The following LINGO2 variants were observed in gnomAD, a reference collection of about 807,000 sequenced individuals.
The protein encoded by LINGO2 is leucine rich repeat and Ig domain containing 2.
Under a neutral mutation model 30.6 loss-of-function variants are expected in LINGO2, and 14 were observed. That is an observed-to-expected ratio of 0.46 (90% CI 0.30 to 0.72). The LOEUF (loss-of-function observed/expected upper bound fraction) is 0.72, where lower values mean the gene tolerates loss of function less well. LINGO2 is among the 30% of genes least tolerant of loss of function. The pLI, the probability that LINGO2 is intolerant of heterozygous loss-of-function variation, is 0.07. For synonymous variants in LINGO2, 317 were observed against 288.5 expected, an observed-to-expected ratio of 1.10 and a Z score of -1.00; for missense variants, 729 against 751.7, an observed-to-expected ratio of 0.97 and a Z score of 0.35.
chr9:28,203,613 G>A (rs1185509145), intron 4 of LINGO2, among the ~76,000 whole-genome samples: 1 of 152,058 alleles, frequency 6.6e-6, no homozygotes, highest in Non-Finnish European at 1.5e-5. Context: ...TAAACTCATA[G>A]GAAGTATATA....
At chr9:28,646,063 G>T (rs1228211126) in intron 1 of LINGO2, among the ~76,000 whole-genome samples, 1 of 151,832 alleles carries the variant, frequency 6.6e-6, no homozygotes, top group Non-Finnish European at 1.5e-5. Context: ...GAAACTGTAG[G>T]CCAACTACCA....
chr9:28,845,393 A>G, the LINGO2 span, among the ~76,000 whole-genome samples: 2 of 151,956 alleles, frequency 1.3e-5, no homozygotes, highest in Non-Finnish European at 2.9e-5. Flanking sequence ...GGAATAAAAT[A>G]AGAATTGCCT....
At chr9:28,880,957 A>G in the LINGO2 span, among the ~76,000 whole-genome samples, 1 of 152,132 alleles carries the variant, frequency 6.6e-6, no homozygotes, top group African/African-American at 2.4e-5. Context: ...TTTTGCTCAC[A>G]TGTTTGTTGC....
At chr9:28,466,098 T>A (rs547862975) in intron 2 of LINGO2, among the ~76,000 whole-genome samples, 1 of 152,088 alleles carries the variant, frequency 6.6e-6, no homozygotes, top group South Asian at 2.1e-4. Context: ...ATAATCCAGC[T>A]ATTCCACTGC....
the LINGO2 span, chr9:27,940,929 A>G: frequency 1.3e-5 from 2 of 152,212 alleles, no homozygotes; most frequent in African/African-American, 2.4e-5. Flanking sequence ...AGTTTACTGG[A>G]CAAGCTAACT....
At chr9:28,356,813 A>G (rs1820227145) in intron 3 of LINGO2, among the ~76,000 whole-genome samples, 2 of 152,030 alleles carry the variant, frequency 1.3e-5, no homozygotes, top group Admixed American at 6.6e-5. Context: ...GCCTCCCAGA[A>G]GCTCTTACTA....
chr9:28,364,426 A>T (rs1487289077), intron 3 of LINGO2, among the ~76,000 whole-genome samples: 1 of 152,144 alleles, frequency 6.6e-6, no homozygotes, highest in African/African-American at 2.4e-5. Context: ...ATGCTGCTGA[A>T]GCTGACATCA....
chr9:28,550,782 T>C (rs538176035), intron 1 of LINGO2, among the ~76,000 whole-genome samples: 2 of 151,916 alleles, frequency 1.3e-5, no homozygotes, highest in Non-Finnish European at 2.9e-5. Context: ...TAAGGAGTCA[T>C]ATAAAATAAT....
At chr9:29,022,165 T>C in the LINGO2 span, among the ~76,000 whole-genome samples, 22 of 152,216 alleles carry the variant, frequency 1.4e-4, no homozygotes, top group Non-Finnish European at 2.2e-4. Context: ...GATTTTCTCC[T>C]TCTTAAAATG....
chr9:28,806,744 T>C, the LINGO2 span, among the ~76,000 whole-genome samples: 5 of 152,242 alleles, frequency 3.3e-5, no homozygotes, highest in East Asian at 5.8e-4. Flanking sequence ...GCTTTTCTTA[T>C]ACTCCTTAAA....
At chr9:29,025,819 C>A in the LINGO2 span, among the ~76,000 whole-genome samples, 1 of 152,064 alleles carries the variant, frequency 6.6e-6, no homozygotes, top group Non-Finnish European at 1.5e-5. Flanking sequence ...CCTTAACCAC[C>A]CCTGCCCGTG....
chr9:28,950,652 C>T, the LINGO2 span, among the ~76,000 whole-genome samples: 1 of 151,964 alleles, frequency 6.6e-6, no homozygotes, highest in South Asian at 2.1e-4. Flanking sequence ...AAAATTGCTA[C>T]AAAGAAAATA....
intron 1 of LINGO2, among the ~76,000 whole-genome samples, chr9:28,555,758 G>C (rs1268510355): frequency 1.3e-5 from 2 of 151,990 alleles, no homozygotes; most frequent in African/African-American, 4.8e-5. Flanking sequence ...ATAAAATACT[G>C]GCAAACTGAA....
intron 1 of LINGO2, among the ~76,000 whole-genome samples, chr9:28,506,015 GT>G (rs1487049498): frequency 6.6e-6 from 1 of 151,758 alleles, no homozygotes; most frequent in Non-Finnish European, 1.5e-5. Flanking sequence ...TTGAATAGTT[GT>G]ACTGACCCGT....
the LINGO2 span, among the ~76,000 whole-genome samples, chr9:28,799,670 G>A: frequency 6.6e-6 from 1 of 152,102 alleles, no homozygotes; most frequent in East Asian, 1.9e-4. Flanking sequence ...TGATAAAGAT[G>A]TTCTGCATTT....
chr9:28,855,924 G>C, the LINGO2 span, among the ~76,000 whole-genome samples: 3 of 152,014 alleles, frequency 2.0e-5, 1 homozygote, highest in Admixed American at 2.0e-4. Context: ...TAGCTGGACT[G>C]GACAGTAGAG....
the LINGO2 span, among the ~76,000 whole-genome samples, chr9:29,144,166 T>A: frequency 1.3e-5 from 2 of 152,216 alleles, no homozygotes; most frequent in Non-Finnish European, 2.9e-5. Flanking sequence ...TTTCGGTTAC[T>A]ATAGCCTTGT....
At chr9:28,815,943 G>T in the LINGO2 span, among the ~76,000 whole-genome samples, 2 of 152,156 alleles carry the variant, frequency 1.3e-5, no homozygotes, top group Non-Finnish European at 2.9e-5. Context: ...AACAATAGAA[G>T]TTTAATTAGC....
chr9:28,641,739 GT>G (rs1479926890), intron 1 of LINGO2, among the ~76,000 whole-genome samples: 4 of 152,166 alleles, frequency 2.6e-5, no homozygotes, highest in Non-Finnish European at 5.9e-5. Flanking sequence ...CAAAATCAGG[GT>G]TATGGGCAAG....
Sources: allele counts gnomAD v4.1 joint callset (sites outside exome capture counted in the v4.1 genomes callset), GRCh38; gene constraint gnomAD v4.1.1; transcripts MANE v1.5; gene names NCBI Gene and HGNC (gene_info 2026-07-23, HGNC 2026-07-21).